The following TMPRSS15 variants were observed in gnomAD, a reference collection of about 807,000 sequenced individuals.
The protein encoded by TMPRSS15 is transmembrane serine protease 15, also known as enteropeptidase.
Under a neutral mutation model 125.3 loss-of-function variants are expected in TMPRSS15, and 128 were observed. The observed-to-expected ratio is 1.02, with a 90% confidence interval of 0.89 to 1.18. TMPRSS15 has a LOEUF of 1.18. TMPRSS15 is among the 50% of genes most tolerant of loss of function. TMPRSS15 has a pLI of 0.00. For synonymous variants in TMPRSS15, 446 were observed against 423.2 expected (o/e 1.05, Z -0.66); for missense variants, 1,283 against 1,212.7 (o/e 1.06, Z -0.86).
chr21:18,428,377 A>G (rs1490181326), intron 1 of TMPRSS15, among the ~76,000 whole-genome samples: 3 of 152,226 alleles, frequency 2.0e-5, no homozygotes, highest in Non-Finnish European at 2.9e-5. Context: ...AGCAGGCTGC[A>G]GAAATTTGCA....
intron 1 of TMPRSS15, among the ~76,000 whole-genome samples, chr21:18,483,066 CAT>C (rs1193583481): frequency 6.6e-6 from 1 of 151,728 alleles, no homozygotes; most frequent in African/African-American, 2.4e-5. Context: ...CTATATTATT[CAT>C]ATGTGATTTA....
At chr21:18,455,026 C>T (rs1169797517) in intron 1 of TMPRSS15, among the ~76,000 whole-genome samples, 1 of 152,122 alleles carries the variant, frequency 6.6e-6, no homozygotes, top group Non-Finnish European at 1.5e-5. Context: ...GTAACTGAAT[C>T]ATGGGGGCAG....
chr21:18,311,190 G>GT (rs36008545), intron 18 of TMPRSS15, among the ~76,000 whole-genome samples: 30,347 of 151,916 alleles, frequency 0.2, 3,497 homozygotes, highest in African/African-American at 0.32. Flanking sequence ...GATGGCTTGA[G>GT]TAAGCCCATA....
At chr21:18,374,305 C>G (rs2075819485) in intron 5 of TMPRSS15, among the ~76,000 whole-genome samples, 2 of 150,324 alleles carry the variant, frequency 1.3e-5, no homozygotes, top group African/African-American at 2.4e-5. Flanking sequence ...AACCCCGTCT[C>G]TACTAAAAAT....
intron 5 of TMPRSS15, among the ~76,000 whole-genome samples, chr21:18,374,480 A>T (rs1302451651): frequency 1.1e-4 from 1 of 9,038 alleles, no homozygotes; most frequent in Non-Finnish European, 3.5e-4. Context: ...ACTCCGTCTC[A>T]AAAAAAAAAA....
chr21:18,338,267 T>C lies in TMPRSS15; in HGVS notation c.1564+3146A>G, dbSNP rs2075412352. ...TTTAAATATCAGGTCTAAGAAACTA[T>C]ATTACTTCCTCCTAGAAAATTTTTC... On this transcript the variant is annotated intron_variant, in intron 13 of 24. Transcript: ENST00000284885. Among the ~76,000 whole-genome samples the C allele has an allele frequency of 2.6e-5, 4 of 152,288 alleles. No homozygotes were observed. The East Asian group carries it at 5.8e-4, about 22-fold the overall frequency.
At chr21:18,334,411 T>C (rs535257012) in intron 13 of TMPRSS15, among the ~76,000 whole-genome samples, 7 of 152,294 alleles carry the variant, frequency 4.6e-5, no homozygotes, top group African/African-American at 1.7e-4. Context: ...CCATGCATGT[T>C]ATCTCATATG....
At chr21:18,382,062 A>G (rs1010977492) in intron 4 of TMPRSS15, among the ~76,000 whole-genome samples, 6 of 152,150 alleles carry the variant, frequency 3.9e-5, no homozygotes, top group African/African-American at 1.4e-4. Flanking sequence ...GTTCAAAGAT[A>G]AAAACATTAC....
At chr21:18,392,717 A>C (rs1003932588) in intron 3 of TMPRSS15, among the ~76,000 whole-genome samples, 1 of 152,158 alleles carries the variant, frequency 6.6e-6, no homozygotes, top group African/African-American at 2.4e-5. Flanking sequence ...GTAATTTATA[A>C]AGGAAGGAAG....
intron 1 of TMPRSS15, among the ~76,000 whole-genome samples, chr21:18,427,605 A>G (rs912871995): frequency 1.4e-4 from 21 of 152,220 alleles, no homozygotes; most frequent in Non-Finnish European, 1.9e-4. Context: ...GGACCGACCT[A>G]CTTCCACAAA....
At chr21:18,452,715 G>A (rs1489329169) in intron 1 of TMPRSS15, among the ~76,000 whole-genome samples, 1 of 151,916 alleles carries the variant, frequency 6.6e-6, no homozygotes, top group Non-Finnish European at 1.5e-5. Context: ...ATAGGAATAT[G>A]GATAAAGATG....
chr21:18,379,087 C>T (rs1467746896), intron 5 of TMPRSS15, among the ~76,000 whole-genome samples, 196 bp downstream of exon 5: 1 of 152,098 alleles, frequency 6.6e-6, no homozygotes, highest in Non-Finnish European at 1.5e-5. Context: ...AGAACTCAGG[C>T]ATTAGCCCTA....
chr21:18,355,236 C>G (rs8130490), intron 8 of TMPRSS15, among the ~76,000 whole-genome samples: 88,628 of 151,478 alleles, frequency 0.59, 26,335 homozygotes, highest in East Asian at 0.86. Flanking sequence ...CCTCTTTTTT[C>G]CTTTTTATTC....
intron 10 of TMPRSS15, among the ~76,000 whole-genome samples, chr21:18,345,665 C>T (rs958358041): frequency 1.6e-5 from 2 of 127,046 alleles, no homozygotes; most frequent in Non-Finnish European, 3.2e-5. Context: ...GACGTGAACC[C>T]GGGAGGTGGA....
chr21:18,423,973 CA>C (rs2076197614), intron 1 of TMPRSS15, among the ~76,000 whole-genome samples: 1 of 151,870 alleles, frequency 6.6e-6, no homozygotes, highest in African/African-American at 2.4e-5. Context: ...GATCACAAAG[CA>C]AAACATAAAG....
chr21:18,270,146 A>G, intron 24 of TMPRSS15, 22 bp from the exon 25 acceptor site: 1 of 1,609,854 alleles, frequency 6.2e-7, no homozygotes, highest in Non-Finnish European at 8.5e-7. Context: ...ATTGCAAAAC[A>G]AAATTGTAGA....
At chr21:18,366,518 C>T (rs1300391376) in intron 6 of TMPRSS15, among the ~76,000 whole-genome samples, 2 of 152,138 alleles carry the variant, frequency 1.3e-5, no homozygotes, top group African/African-American at 2.4e-5. Context: ...TAGATTCCAA[C>T]TAGATTAAAA....
In TMPRSS15 at chr21:18,381,754, G is replaced by T. The variant is rs953703730; in HGVS notation, c.496+1873C>A. ...TTTCAGCATATCTGTCAATTTGCTT[G>T]CCAGAACAGACCATCAGAAACCAAT... On this transcript the variant is annotated intron_variant, in intron 4 of 24. Coordinates refer to ENST00000284885, the MANE Select transcript of TMPRSS15 (RefSeq NM_002772.3). 2.6e-5 allele frequency among the ~76,000 whole-genome samples: 4 copies of T among 152,090 alleles called. No individual in the cohort carries two copies. The South Asian group carries it at 8.3e-4, about 32-fold the overall frequency.
At chr21:18,481,419 G>A (rs1313079472) in intron 1 of TMPRSS15, among the ~76,000 whole-genome samples, 1 of 151,654 alleles carries the variant, frequency 6.6e-6, no homozygotes, top group Non-Finnish European at 1.5e-5. Flanking sequence ...AAATAAAAAT[G>A]GGAACATGTG....
Sources: gnomAD v4.1 joint callset for allele counts (sites outside exome capture counted in the v4.1 genomes callset) on GRCh38, gnomAD v4.1.1 for gene constraint, MANE v1.5 for transcripts, NCBI Gene and HGNC (gene_info 2026-07-23, HGNC 2026-07-21) for gene names.